Variants in SAMD4B observed in about 807,000 individuals in gnomAD.
The protein encoded by SAMD4B is protein Smaug homolog 2.
In SAMD4B, 5 loss-of-function variants were observed where a neutral mutation model predicts 74.5. The observed-to-expected ratio is 0.07, with a 90% CI of 0.04 to 0.14. The LOEUF (loss-of-function observed/expected upper bound fraction) is 0.14. Among genes scored for constraint, SAMD4B ranks in the 10% least tolerant of loss-of-function variants. The pLI is 1.00. For missense variants in SAMD4B, 608 were observed against 921.8 expected, an observed-to-expected ratio of 0.66 and a Z score of 4.41; for synonymous variants, 373 against 374.9, an observed-to-expected ratio of 1.00 and a Z score of 0.06.
chr19:39,348,847 G>A (rs77259802), intron 1 of SAMD4B, among the ~76,000 whole-genome samples: 1 of 152,100 alleles, frequency 6.6e-6, no homozygotes, highest in Non-Finnish European at 1.5e-5. Context: ...TATATTTTGG[G>A]TGTACAGAAA....
At chr19:39,347,574 C>T (rs1440182045) in intron 1 of SAMD4B, among the ~76,000 whole-genome samples, 24 of 152,206 alleles carry the variant, frequency 1.6e-4, no homozygotes, top group Admixed American at 6.5e-5. Flanking sequence ...TGGGATATCA[C>T]GGGTGATATG....
chr19:39,390,099 T>G, downstream of SAMD4B: 1 of 1,613,938 alleles, frequency 6.2e-7, no homozygotes, highest in Non-Finnish European at 8.5e-7. Context: ...GGTGATGAAC[T>G]TGGGGTCGAA....
In SAMD4B at chr19:39,342,526, C is replaced by T. The variant is rs974287736; in HGVS notation, c.-317C>T. 7 of 169,518 alleles carry T rather than the reference C, an allele frequency of 4.1e-5. No individual in the cohort carries two copies. The highest frequency in any genetic ancestry group is 1.5e-4 in the African/African-American group (6 of 41,122). The allele number at this position is 169,518 out of a possible 1,614,324, so 10.5% of individuals were successfully genotyped here. On this transcript the variant is annotated 5_prime_UTR_variant, in exon 1 of 14. Coordinates refer to ENST00000610417, the MANE Select transcript of SAMD4B (RefSeq NM_001384574.2). ...GCCCGAGAGGGGGCGACGGCGGCGGCGGTGGCCTGAGGAGGCCCGAGCGGC... is the reference window on the plus strand; with the variant it reads ...GCCCGAGAGGGGGCGACGGCGGCGGTGGTGGCCTGAGGAGGCCCGAGCGGC...
intron 1 of SAMD4B, chr19:39,352,336 C>G (rs923298434): frequency 7.2e-5 from 11 of 152,168 alleles, no homozygotes; most frequent in African/African-American, 2.7e-4. Flanking sequence ...GACTTCTGGT[C>G]TTTTTCTAGT....
At chr19:39,345,482 C>T (rs1318775430) in intron 1 of SAMD4B, among the ~76,000 whole-genome samples, 1 of 152,230 alleles carries the variant, frequency 6.6e-6, no homozygotes, top group East Asian at 1.9e-4. Context: ...TTTGAACACA[C>T]ATATCCATCT....
chr19:39,376,903 C>A (rs913142609), intron 7 of SAMD4B, 112 bp downstream of exon 7: 5 of 845,210 alleles, frequency 5.9e-6, no homozygotes, highest in Non-Finnish European at 7.6e-6. Flanking sequence ...CCAAAATTCC[C>A]AGCCCTAGGG....
chr19:39,355,667 C>G (rs532261702), intron 2 of SAMD4B, among the ~76,000 whole-genome samples: 77 of 152,266 alleles, frequency 5.1e-4, no homozygotes, highest in African/African-American at 1.8e-3. Context: ...AAAAAGCCTT[C>G]GGAGTGGTGT....
downstream of SAMD4B, chr19:39,389,909 G>T: frequency 8.6e-7 from 1 of 1,163,512 alleles, no homozygotes; most frequent in Non-Finnish European, 1.3e-6. This position sits in a 1 kb window ranked among gnomAD's most constrained non-coding sequence, Gnocchi z 5.3. Flanking sequence ...CAGTGGGAAG[G>T]GACTTGGACA....
Position 39,380,657 on chromosome 19 carries a change from C to T in SAMD4B, c.1720C>T (p.Arg574Trp), listed in dbSNP as rs747829862. ...VGMGVARRTQ[R>W]QFPMPPRALP... ...GATGGGAGTGGCCCGGCGTACCCAG[C>T]GGCAGTTCCCAATGCCTCCCCGGGC... is the stretch of plus-strand genomic sequence containing the variant. Residue 574 changes from arginine to tryptophan, a missense_variant, in exon 11 of 14, where the codon CGG becomes TGG. Physicochemically the swap from Arg to Trp is moderately radical, Grantham distance 101. This residue lies in a region of SAMD4B where 167 missense variants were observed against 193.0 expected (regional missense o/e 0.87). Transcript: ENST00000610417. 6.2e-7 allele frequency: 1 copy of T among 1,614,008 alleles called. No homozygotes were observed. The highest frequency in any genetic ancestry group is 1.3e-5 in the African/African-American group (1 of 75,056).
chr19:39,388,700 A>C (rs1001938821), downstream of SAMD4B: 12 of 1,611,824 alleles, frequency 7.4e-6, no homozygotes, highest in Non-Finnish European at 8.5e-6. Flanking sequence ...AAGGAGTAGC[A>C]ATGAAGTGTG....
chr19:39,363,056 G>C (rs575763549), intron 3 of SAMD4B, among the ~76,000 whole-genome samples: 5 of 152,214 alleles, frequency 3.3e-5, no homozygotes, highest in Admixed American at 2.6e-4. Flanking sequence ...CCCTCTGACT[G>C]GTGCCTGAGG....
intron 1 of SAMD4B, chr19:39,352,485 A>AG (rs778046897): frequency 6.2e-4 from 85 of 136,732 alleles, no homozygotes; most frequent in Non-Finnish European, 1.1e-3. Context: ...GCTCCTCTTT[A>AG]GGGGAAAAAA....
intron 1 of SAMD4B, among the ~76,000 whole-genome samples, chr19:39,346,075 T>C (rs956116777): frequency 6.6e-6 from 1 of 152,156 alleles, no homozygotes; most frequent in Non-Finnish European, 1.5e-5. Context: ...TGGCATTTTT[T>C]CAAGGGATTC....
chr19:39,378,501 C>T lies in SAMD4B; in HGVS notation c.1445-3C>T. On this transcript the variant is annotated splice_region_variant and splice_polypyrimidine_tract_variant and intron_variant, in intron 8 of 13. Transcript: ENST00000610417. This position sits in a 1 kb window ranked among gnomAD's most constrained non-coding sequence, Gnocchi z 4.4. ...CCTCCTGCCCTTTCTCATGTCCCCC[C>T]AGTGTGCACCCAACTGCTGGTGTCC... The T allele has an allele frequency of 6.2e-7, 1 of 1,613,854 alleles. No individual in the cohort carries two copies. Among genetic ancestry groups the T allele is most frequent in the East Asian group, 2.2e-5 (1 of 44,876 alleles).
downstream of SAMD4B, chr19:39,389,868 C>G (rs533381044): frequency 5.5e-5 from 81 of 1,468,926 alleles, no homozygotes; most frequent in Non-Finnish European, 7.5e-5. This position sits in a 1 kb window ranked among gnomAD's most constrained non-coding sequence, Gnocchi z 5.3. Context: ...AATGAAGTGT[C>G]CCCCATGGCA....
At chr19:39,380,222 A>T in intron 10 of SAMD4B, 138 bp downstream of exon 10, 2 of 676,558 alleles carry the variant, frequency 3.0e-6, no homozygotes, top group South Asian at 3.9e-5. Flanking sequence ...CCAGAAGAAA[A>T]TTTCCACTAG....
chr19:39,383,380 C>A lies in SAMD4B; in HGVS notation c.2056+89C>A. 6.4e-7 allele frequency: 1 copy of A among 1,572,308 alleles called. No homozygotes were observed. The highest frequency in any genetic ancestry group is 8.8e-7 in the Non-Finnish European group (1 of 1,141,880). On this transcript the variant is annotated intron_variant, in intron 13 of 13. Coordinates refer to ENST00000610417, the MANE Select transcript of SAMD4B (RefSeq NM_001384574.2). This position sits in a 1 kb window ranked among gnomAD's most constrained non-coding sequence, Gnocchi z 4.1. The stretch of plus-strand genomic sequence containing the variant: ...GCAACTCAGAGTCATCCTGAGGGGT[C>A]CCCAGGGGAGGCCAGACTCCAGGGA...
Position 39,376,891 on chromosome 19 carries a change from C to T in SAMD4B, c.1104+100C>T, listed in dbSNP as rs1796758456. On this transcript the variant is annotated intron_variant, in intron 7 of 13. Transcript: ENST00000610417. ...GGCCTCCAGACTCCTCGGATGTGGC[C>T]TCCAAAATTCCCAGCCCTAGGGACC... 7 of 975,334 alleles carry T rather than the reference C, an allele frequency of 7.2e-6. No homozygotes were observed. The Admixed American group carries it at 1.4e-4, about 19-fold the overall frequency. 60.4% of individuals were successfully genotyped at this position (975,334 alleles called of 1,614,324 possible).
At chr19:39,371,109 A>G (rs549282309) in intron 4 of SAMD4B, among the ~76,000 whole-genome samples, 22 of 152,248 alleles carry the variant, frequency 1.4e-4, no homozygotes, top group Non-Finnish European at 2.8e-4. Context: ...TTTCCAAGCC[A>G]TGGTAAGGCA....
Sources: gnomAD v4.1 joint callset for allele counts (sites outside exome capture counted in the v4.1 genomes callset) on GRCh38, gnomAD v4.1.1 for gene constraint, gnomAD v4.1.1 regional missense constraint, Gnocchi (gnomAD v3.1) non-coding constraint, MANE v1.5 for transcripts, NCBI Gene and HGNC (gene_info 2026-07-23, HGNC 2026-07-21) for gene names.